Variants in ZBTB20 observed in about 807,000 individuals in gnomAD.
The protein encoded by ZBTB20 is zinc finger and BTB domain containing 20, also known as zinc finger and BTB domain-containing protein 20.
ZBTB20 carries 9 observed loss-of-function variants against 56.9 expected under a neutral mutation model. That is an observed-to-expected ratio of 0.16 (90% confidence interval 0.10 to 0.28). ZBTB20 has a LOEUF of 0.28. ZBTB20 is among the 10% of genes least tolerant of loss of function. ZBTB20 has a pLI of 1.00. For synonymous variants in ZBTB20, 417 were observed against 420.7 expected (o/e 0.99, Z 0.11); for missense variants, 655 against 1,003.0 (o/e 0.65, Z 4.69).
chr3:114,668,611 C>T (rs2061186922), intron 6 of ZBTB20, among the ~76,000 whole-genome samples: 1 of 151,992 alleles, frequency 6.6e-6, no homozygotes, highest in African/African-American at 2.4e-5. Flanking sequence ...CTAGGTCTCT[C>T]TTTAGCTAGG....
At chr3:114,656,194 C>T in intron 6 of ZBTB20, among the ~76,000 whole-genome samples, 1 of 152,158 alleles carries the variant, frequency 6.6e-6, no homozygotes. Flanking sequence ...TGTTTCCACC[C>T]TTAGGGCTGC....
intron 4 of ZBTB20, among the ~76,000 whole-genome samples, chr3:114,898,326 T>A (rs1034548235): frequency 6.6e-6 from 1 of 152,136 alleles, no homozygotes; most frequent in African/African-American, 2.4e-5. Context: ...ATAATGGGAA[T>A]AACATACAGA....
At chr3:114,594,630 T>C (rs2056144250) in intron 6 of ZBTB20, among the ~76,000 whole-genome samples, 1 of 152,182 alleles carries the variant, frequency 6.6e-6, no homozygotes, top group Admixed American at 6.5e-5. Context: ...AAACAAACAG[T>C]ATATAATAAA....
At chr3:114,573,473 A>G (rs1201060548) in intron 6 of ZBTB20, among the ~76,000 whole-genome samples, 2 of 151,408 alleles carry the variant, frequency 1.3e-5, no homozygotes, top group Non-Finnish European at 2.9e-5. Flanking sequence ...GAAAAAAAAA[A>G]AAAGAAAGAA....
chr3:114,348,653 T>G (rs780888662), intron 11 of ZBTB20, among the ~76,000 whole-genome samples: 15 of 152,234 alleles, frequency 9.9e-5, no homozygotes, highest in Non-Finnish European at 1.8e-4. Context: ...TACATTACCC[T>G]GCAAAGAAGG....
chr3:114,536,329 A>C (rs2048455514), intron 6 of ZBTB20, among the ~76,000 whole-genome samples: 1 of 152,222 alleles, frequency 6.6e-6, no homozygotes, highest in Non-Finnish European at 1.5e-5. Context: ...TGCAAAAATC[A>C]CAAGTATTCC....
intron 6 of ZBTB20, among the ~76,000 whole-genome samples, chr3:114,515,700 T>C (rs1201380977): frequency 6.6e-6 from 1 of 152,172 alleles, no homozygotes; most frequent in Non-Finnish European, 1.5e-5. Flanking sequence ...TTGCCACCAA[T>C]GAATCCGCCT....
intron 2 of ZBTB20, among the ~76,000 whole-genome samples, chr3:114,979,960 T>C (rs1435474259): frequency 1.3e-5 from 2 of 152,012 alleles, no homozygotes; most frequent in African/African-American, 4.8e-5. Flanking sequence ...TCCATGGAGC[T>C]GGAGCTCGAG....
intron 4 of ZBTB20, among the ~76,000 whole-genome samples, chr3:114,828,979 T>A (rs1271381697): frequency 6.6e-6 from 1 of 151,830 alleles, no homozygotes; most frequent in Non-Finnish European, 1.5e-5. Context: ...ATAAGCCTGG[T>A]CACTTATGGA....
At chr3:114,890,591 G>T in intron 4 of ZBTB20, among the ~76,000 whole-genome samples, 1 of 152,058 alleles carries the variant, frequency 6.6e-6, no homozygotes, top group East Asian at 1.9e-4. Context: ...TCACACACCG[G>T]GCCTGTCCTG....
intron 4 of ZBTB20, among the ~76,000 whole-genome samples, chr3:114,813,373 A>G (rs2072694250): frequency 6.6e-6 from 1 of 152,196 alleles, no homozygotes; most frequent in East Asian, 1.9e-4. Flanking sequence ...CTCTCCAGCG[A>G]TTGTTTTTAT....
intron 6 of ZBTB20, among the ~76,000 whole-genome samples, chr3:114,677,020 C>A (rs995468693): frequency 6.6e-6 from 1 of 152,016 alleles, no homozygotes; most frequent in Non-Finnish European, 1.5e-5. Flanking sequence ...TGATGCCTGC[C>A]TCGGCCTCCC....
At chr3:114,471,980 G>A (rs2040183572) in intron 7 of ZBTB20, among the ~76,000 whole-genome samples, 1 of 152,152 alleles carries the variant, frequency 6.6e-6, no homozygotes, top group Admixed American at 6.6e-5. Context: ...GTGGGAGAAG[G>A]GGATGATAGT....
intron 1 of ZBTB20, among the ~76,000 whole-genome samples, chr3:115,089,368 G>A (rs1009704573): frequency 4.0e-5 from 6 of 151,726 alleles, no homozygotes; most frequent in African/African-American, 7.3e-5. Context: ...TCCCATAGGC[G>A]AAGTTCCTTA....
intron 3 of ZBTB20, among the ~76,000 whole-genome samples, chr3:114,955,326 C>A (rs1295961034): frequency 6.6e-6 from 1 of 152,202 alleles, no homozygotes; most frequent in East Asian, 1.9e-4. Flanking sequence ...GGTTGAGGAT[C>A]AATATAAACA....
intron 4 of ZBTB20, among the ~76,000 whole-genome samples, chr3:114,842,730 C>A (rs993031065): frequency 2.0e-5 from 3 of 152,142 alleles, no homozygotes; most frequent in African/African-American, 7.2e-5. Flanking sequence ...ATTCAACCAA[C>A]GAATTTAGAA....
At chr3:115,067,070 CT>C (rs1560542306) in intron 2 of ZBTB20, among the ~76,000 whole-genome samples, 1 of 151,868 alleles carries the variant, frequency 6.6e-6, no homozygotes, top group African/African-American at 2.4e-5. Flanking sequence ...TAATTAGACT[CT>C]TATCATGTGA....
At position 114,339,158 on chromosome 3, in the gene ZBTB20, G is replaced by A. The variant is rs746081497; in HGVS notation, c.2073C>T (p.Pro691=). Residue 691 remains proline, a synonymous_variant, in exon 12 of 12, where the codon CCC becomes CCT. Coordinates refer to ENST00000675478, the MANE Select transcript of ZBTB20 (RefSeq NM_001348800.3). This position sits in a 1 kb window ranked among gnomAD's most constrained non-coding sequence, Gnocchi z 4.2. ...VALHSASNGT[P]PAGTPPGARA... ...GGGCACCTGGGGGTGTGCCTGCAGG[G>A]GGGGTCCCATTGCTGGCACTGTGCA... The A allele has an allele frequency of 5.0e-6, 8 of 1,613,980 alleles. No individual in the cohort carries two copies. The highest frequency in any genetic ancestry group is 2.2e-5 in the East Asian group (1 of 44,898).
intron 5 of ZBTB20, among the ~76,000 whole-genome samples, chr3:114,748,665 T>C (rs911782892): frequency 2.6e-5 from 4 of 152,098 alleles, no homozygotes; most frequent in Admixed American, 2.0e-4. Context: ...GGCACTTCTG[T>C]AGAAAATGAA....
Sources: gnomAD v4.1 joint callset for allele counts (sites outside exome capture counted in the v4.1 genomes callset) on GRCh38, gnomAD v4.1.1 for gene constraint, Gnocchi (gnomAD v3.1) non-coding constraint, MANE v1.5 for transcripts, NCBI Gene and HGNC (gene_info 2026-07-23, HGNC 2026-07-21) for gene names.